Variants in ADORA2B observed in about 807,000 individuals in gnomAD.
ADORA2B encodes adenosine A2b receptor.
Under a neutral mutation model 20.8 loss-of-function variants are expected in ADORA2B, and 18 were observed. That is an observed-to-expected ratio of 0.87 (90% CI 0.60 to 1.29). The LOEUF (loss-of-function observed/expected upper bound fraction) is 1.29, where lower values mean the gene tolerates loss of function less well. ADORA2B is among the 50% of genes most tolerant of loss of function. The pLI, the probability that ADORA2B is intolerant of heterozygous loss-of-function variation, is 0.00. For synonymous variants in ADORA2B, 179 were observed against 178.3 expected (o/e 1.00, Z -0.03); for missense variants, 441 against 422.7 (o/e 1.04, Z -0.38).
chr17:15,892,224 A>G, the ADORA2B span, among the ~76,000 whole-genome samples: 1 of 151,906 alleles, frequency 6.6e-6, no homozygotes, highest in Non-Finnish European at 1.5e-5. Flanking sequence ...GCTGGAGTGC[A>G]GTGGCGTGAT....
At chr17:15,899,715 G>A in the ADORA2B span, among the ~76,000 whole-genome samples, 1 of 152,106 alleles carries the variant, frequency 6.6e-6, no homozygotes, top group East Asian at 1.9e-4. Context: ...CTGTTTCTAT[G>A]TGGGTTAGCT....
At chr17:15,874,962 G>T in the ADORA2B span, among the ~76,000 whole-genome samples, 1 of 151,998 alleles carries the variant, frequency 6.6e-6, no homozygotes, top group Non-Finnish European at 1.5e-5. Context: ...CAGCCTAAGA[G>T]GAGAAAATGG....
intron 1 of ADORA2B, among the ~76,000 whole-genome samples, chr17:15,950,986 A>G (rs1969894355): frequency 6.6e-6 from 1 of 152,206 alleles, no homozygotes; most frequent in Non-Finnish European, 1.5e-5. Context: ...ACACCCCAGG[A>G]TGCAGCGCGA....
chr17:15,935,007 A>G, the ADORA2B span, among the ~76,000 whole-genome samples: 1 of 152,026 alleles, frequency 6.6e-6, no homozygotes, highest in Non-Finnish European at 1.5e-5. Context: ...GAGTTTCACT[A>G]TGTTGGCCAG....
At chr17:15,956,282 C>T (rs1202980563) in intron 1 of ADORA2B, among the ~76,000 whole-genome samples, 1 of 152,208 alleles carries the variant, frequency 6.6e-6, no homozygotes, top group South Asian at 2.1e-4. Context: ...TCCCCTCCCC[C>T]ACCCGTTATC....
chr17:15,947,587 GGAAGAGGTGCACAGGCAGTC>G (rs1969825282), intron 1 of ADORA2B, among the ~76,000 whole-genome samples: 2 of 152,224 alleles, frequency 1.3e-5, no homozygotes, highest in Non-Finnish European at 2.9e-5. Context: ...TTGGAGGTCT[GGAAGAGGTGCACAGGCAGTC>G]CCCAGCTCCC....
intron 1 of ADORA2B, among the ~76,000 whole-genome samples, chr17:15,964,154 C>T (rs1970071633): frequency 6.6e-6 from 1 of 152,236 alleles, no homozygotes; most frequent in Admixed American, 6.5e-5. Flanking sequence ...ACGCAGATGG[C>T]AGAGAGGCCT....
At chr17:15,964,501 C>T (rs1451211704) in intron 1 of ADORA2B, among the ~76,000 whole-genome samples, 1 of 150,774 alleles carries the variant, frequency 6.6e-6, no homozygotes, top group Non-Finnish European at 1.5e-5. Context: ...CCCAGCTACT[C>T]AGGAGGCTGA....
At chr17:15,965,706 G>A (rs1267496251) in intron 1 of ADORA2B, among the ~76,000 whole-genome samples, 2 of 152,254 alleles carry the variant, frequency 1.3e-5, no homozygotes, top group African/African-American at 4.8e-5. Context: ...GCCCCTGTGG[G>A]CTCCTGGGAA....
chr17:15,897,393 C>G, the ADORA2B span, among the ~76,000 whole-genome samples: 1 of 152,106 alleles, frequency 6.6e-6, no homozygotes, highest in Non-Finnish European at 1.5e-5. Context: ...CATAGCAAGA[C>G]GTTGTCTCTA....
chr17:15,964,796 T>C (rs1970084593), intron 1 of ADORA2B, among the ~76,000 whole-genome samples: 3 of 150,766 alleles, frequency 2.0e-5, no homozygotes, highest in Admixed American at 2.0e-4. Context: ...GCGCGGTGGC[T>C]CACGCCTGTA....
the ADORA2B span, among the ~76,000 whole-genome samples, chr17:15,893,352 A>G: frequency 6.6e-6 from 1 of 152,216 alleles, no homozygotes; most frequent in African/African-American, 2.4e-5. Context: ...CCCTGGGGAA[A>G]AATAATGTTA....
chr17:15,887,985 A>G, the ADORA2B span, among the ~76,000 whole-genome samples: 4 of 100,914 alleles, frequency 4.0e-5, 1 homozygote, highest in African/African-American at 1.8e-4. Flanking sequence ...AAAAAAAAAA[A>G]AAAAGATAAG....
At chr17:15,893,338 A>G in the ADORA2B span, among the ~76,000 whole-genome samples, 12 of 152,286 alleles carry the variant, frequency 7.9e-5, no homozygotes, top group Admixed American at 7.8e-4. Context: ...AGTAACTACC[A>G]TTTCCCTGGG....
intron 1 of ADORA2B, among the ~76,000 whole-genome samples, chr17:15,954,957 G>A (rs985669290): frequency 6.6e-6 from 1 of 151,814 alleles, no homozygotes; most frequent in African/African-American, 2.4e-5. Context: ...TTTTTCCTTG[G>A]TGTTCTGAAA....
chr17:15,916,981 C>T, the ADORA2B span, among the ~76,000 whole-genome samples: 1 of 152,240 alleles, frequency 6.6e-6, no homozygotes, highest in Non-Finnish European at 1.5e-5. Flanking sequence ...GCTCCACCAT[C>T]GGCCACCTGT....
the ADORA2B span, among the ~76,000 whole-genome samples, chr17:15,852,469 A>G: frequency 5.9e-5 from 9 of 152,186 alleles, no homozygotes; most frequent in Non-Finnish European, 1.2e-4. Context: ...CACATTAAAA[A>G]AATATATGGT....
chr17:15,954,718 A>G (rs113138710), intron 1 of ADORA2B, among the ~76,000 whole-genome samples: 9,404 of 152,262 alleles, frequency 0.062, 986 homozygotes, highest in African/African-American at 0.21. Context: ...AGTGAGCTGC[A>G]TTCACACCAC....
At chr17:15,860,588 G>A in the ADORA2B span, among the ~76,000 whole-genome samples, 48 of 152,134 alleles carry the variant, frequency 3.2e-4, no homozygotes, top group African/African-American at 1.1e-3. Context: ...TGATGACATC[G>A]TCTTGAAATT....
Sources: allele counts gnomAD v4.1 joint callset (sites outside exome capture counted in the v4.1 genomes callset), GRCh38; gene constraint gnomAD v4.1.1; transcripts MANE v1.5; gene names NCBI Gene and HGNC (gene_info 2026-07-23, HGNC 2026-07-21).